Variants in ZNF518A observed in about 807,000 individuals in gnomAD.
ZNF518A encodes the protein zinc finger protein 518A.
In ZNF518A, 47 loss-of-function variants were observed where a neutral mutation model predicts 102.7. The ratio of observed to expected loss-of-function variants is 0.46; its 90% CI spans 0.36 to 0.58. ZNF518A has a LOEUF of 0.58. ZNF518A is among the 20% of genes least tolerant of loss of function. ZNF518A has a pLI of 0.00. For synonymous variants in ZNF518A, 652 were observed against 594.6 expected, an observed-to-expected ratio of 1.10 and a Z score of -1.40; for missense variants, 1,793 against 1,699.8, an observed-to-expected ratio of 1.05 and a Z score of -0.96.
chr10:96,166,411 A>C (rs1304543408), downstream of ZNF518A, among the ~76,000 whole-genome samples: 1 of 152,210 alleles, frequency 6.6e-6, no homozygotes, highest in African/African-American at 2.4e-5. Context: ...ACAGTAGAGC[A>C]ATCAGTAACA....
chr10:96,153,008 C>G lies in ZNF518A; in HGVS notation c.-301-2318C>G, dbSNP rs1159120730. On this transcript the variant is annotated intron_variant, in intron 3 of 5. Transcript: ENST00000316045. ...AGAGGTTGTCTGCAAACTAGAGACC[C>G]TGGGATGCTGGTAGTATGATTCAGT... is the stretch of plus-strand genomic sequence containing the variant. 2.0e-5 allele frequency among the ~76,000 whole-genome samples: 3 copies of G among 152,132 alleles called. No individual in the cohort carries two copies. The South Asian group carries it at 6.2e-4, about 32-fold the overall frequency.
intron 1 of ZNF518A, among the ~76,000 whole-genome samples, chr10:96,180,924 T>A (rs1198830750): frequency 1.3e-5 from 2 of 152,174 alleles, no homozygotes; most frequent in South Asian, 2.1e-4. Context: ...TGCCACACTG[T>A]CTTCCACAAT....
chr10:96,197,755 GA>G (rs2083507972), intron 1 of ZNF518A, among the ~76,000 whole-genome samples: 1 of 151,380 alleles, frequency 6.6e-6, no homozygotes, highest in East Asian at 1.9e-4. Context: ...ACTTTTATAA[GA>G]AAAAAAATCC....
chr10:96,199,699 C>T (rs2083576630), intron 1 of ZNF518A, among the ~76,000 whole-genome samples: 1 of 152,176 alleles, frequency 6.6e-6, no homozygotes, highest in Non-Finnish European at 1.5e-5. Flanking sequence ...CTATTACAGG[C>T]TGAGGGCAAA....
In ZNF518A at chr10:96,159,402, T is replaced by G. The variant is rs1430326367; in HGVS notation, c.3080T>G (p.Leu1027Arg). 1 of 1,613,816 alleles carries G rather than the reference T, an allele frequency of 6.2e-7. No individual in the cohort carries two copies. Among genetic ancestry groups the G allele is most frequent in the African/African-American group, 1.3e-5 (1 of 75,058 alleles). ...AACAATAATTGTCTTACACCTGGACTTTGTTCCAGCATTGGCAGTTGTTTG... is the reference window on the plus strand; with the variant it reads ...AACAATAATTGTCTTACACCTGGACGTTGTTCCAGCATTGGCAGTTGTTTG... ...EPNNNCLTPGLCSSIGSCLSM... is the reference protein window; with the variant it reads ...EPNNNCLTPGRCSSIGSCLSM... The change falls in exon 6 of 6, where the codon CTT becomes CGT. Residue 1027 changes from leucine (L) to arginine (R), a missense_variant. Leu to Arg is a moderately radical substitution (Grantham distance 102). Around this residue, in one of 3 missense-constraint regions of ZNF518A, gnomAD observed 1,741 missense variants for 1,622.6 expected, o/e 1.07. Coordinates refer to ENST00000316045, the MANE Select transcript of ZNF518A (RefSeq NM_001330736.2).
At chr10:96,141,050 A>G (rs1393281874) in intron 3 of ZNF518A, among the ~76,000 whole-genome samples, 3 of 152,208 alleles carry the variant, frequency 2.0e-5, no homozygotes, top group East Asian at 3.9e-4. Flanking sequence ...AGTTTGCTAG[A>G]AAGTGATTTA....
rs1554883099 is a variant in ZNF518A at position 96,157,171 on chromosome 10, T to C, written c.849T>C (p.Thr283=). 2 of 1,612,850 alleles carry C rather than the reference T, an allele frequency of 1.2e-6. No homozygotes were observed. Among genetic ancestry groups the C allele is most frequent in the African/African-American group, 2.7e-5 (2 of 74,838 alleles). ...AACACCTTGTAAGACATGTTATAAC[T>C]TTGCACAAAGAACATTTATATGCAA... ...RREHLVRHVI[T]LHKEHLYAKE... The change falls in exon 6 of 6, where the codon ACT becomes ACC. Residue 283 remains threonine, a synonymous_variant. Transcript: ENST00000316045.
chr10:96,196,484 C>T (rs2083469562), intron 1 of ZNF518A, among the ~76,000 whole-genome samples: 1 of 152,200 alleles, frequency 6.6e-6, no homozygotes, highest in African/African-American at 2.4e-5. Context: ...AATGTTTTAA[C>T]TCAAGTTTCT....
intron 1 of ZNF518A, among the ~76,000 whole-genome samples, chr10:96,178,888 A>G (rs1330271033): frequency 2.6e-5 from 4 of 152,120 alleles, no homozygotes; most frequent in Non-Finnish European, 5.9e-5. Flanking sequence ...ACAATAGCCT[A>G]TATCTATTAA....
downstream of ZNF518A, among the ~76,000 whole-genome samples, chr10:96,166,281 A>G (rs2133878312): frequency 6.6e-6 from 1 of 152,344 alleles, no homozygotes; most frequent in East Asian, 1.9e-4. Flanking sequence ...TCACAGACAC[A>G]TTCAGAAATA....
intron 1 of ZNF518A, among the ~76,000 whole-genome samples, chr10:96,178,863 CA>C (rs2083221592): frequency 6.6e-6 from 1 of 151,816 alleles, no homozygotes; most frequent in African/African-American, 2.4e-5. Flanking sequence ...ATTAACAAAA[CA>C]AAAATAGAAA....
At position 96,157,656 on chromosome 10, in the gene ZNF518A, T is replaced by C; in HGVS notation, c.1334T>C (p.Met445Thr). ...TCCCCTAACTATAATGCTACGTTTA[T>C]GGGCTTCAAGATGATGGATGGAAAA... ...AVSPNYNATF[M>T]GFKMMDGKQH... The change falls in exon 6 of 6, where the codon ATG (methionine) becomes ACG (threonine). Residue 445 changes from methionine (M) to threonine (T), a missense_variant. Met to Thr is a moderately conservative substitution (Grantham distance 81). Coordinates refer to ENST00000316045, the MANE Select transcript of ZNF518A (RefSeq NM_001330736.2). 1 of 1,613,912 alleles carries C rather than the reference T, an allele frequency of 6.2e-7. No homozygotes were observed. Among genetic ancestry groups the C allele is most frequent in the Non-Finnish European group, 8.5e-7 (1 of 1,179,800 alleles).
intron 1 of ZNF518A, chr10:96,191,850 C>T: frequency 7.5e-7 from 1 of 1,330,648 alleles, no homozygotes; most frequent in Non-Finnish European, 1.1e-6. Context: ...ATAGCTGACT[C>T]CATCTTCCAT....
rs782692734 is a variant in ZNF518A, at chr10:96,158,463, CTG to C, written c.2142_2143del (p.Glu715AsnfsTer2). 2 of 1,612,514 alleles carry C rather than the reference CTG, an allele frequency of 1.2e-6. No individual in the cohort carries two copies. The highest frequency in any genetic ancestry group is 1.7e-6 in the Non-Finnish European group (2 of 1,179,522). ...AAAGATGGAACTTTAAAAGCAAAAT[CTG>C]AAATTGAAGAACAGTATGTTTTAGA... On this transcript the variant is annotated frameshift_variant, in exon 6 of 6. Coordinates refer to ENST00000316045, the MANE Select transcript of ZNF518A (RefSeq NM_001330736.2). LOFTEE classifies it high-confidence loss of function.
At chr10:96,168,659 C>G (rs906155799), downstream of ZNF518A, among the ~76,000 whole-genome samples, 2 of 152,112 alleles carry the variant, frequency 1.3e-5, no homozygotes, top group Admixed American at 6.5e-5. Context: ...ATTTTCCATT[C>G]AACACTTCTA....
chr10:96,130,038 T>G (rs587719096), upstream of ZNF518A: 1 of 152,852 alleles, frequency 6.5e-6, no homozygotes, highest in East Asian at 1.9e-4. Context: ...CCGGTAGCGC[T>G]GCGATCAGCT....
At chr10:96,140,764 C>T (rs587753752) in intron 3 of ZNF518A, among the ~76,000 whole-genome samples, 3 of 137,462 alleles carry the variant, frequency 2.2e-5, no homozygotes, top group African/African-American at 7.8e-5. Flanking sequence ...AACCCCATCT[C>T]TTAAAAAAAA....
intron 3 of ZNF518A, among the ~76,000 whole-genome samples, chr10:96,142,922 T>C (rs1238790198): frequency 3.9e-5 from 6 of 151,952 alleles, no homozygotes; most frequent in African/African-American, 1.5e-4. Context: ...TTCTCATGTC[T>C]CAGCCTCCTG....
chr10:96,142,614 A>G (rs1261002493), intron 3 of ZNF518A, among the ~76,000 whole-genome samples: 3 of 152,034 alleles, frequency 2.0e-5, no homozygotes, highest in African/African-American at 7.2e-5. Flanking sequence ...CAACTTGAAT[A>G]TAGTTAAGTA....
Sources: allele counts gnomAD v4.1 joint callset (sites outside exome capture counted in the v4.1 genomes callset), GRCh38; gene constraint gnomAD v4.1.1; regional missense constraint gnomAD v4.1.1; transcripts MANE v1.5; gene names NCBI Gene and HGNC (gene_info 2026-07-23, HGNC 2026-07-21).